Variants in PDZRN4 observed in about 807,000 individuals in gnomAD.
PDZRN4 encodes PDZ domain-containing RING finger protein 4.
Under a neutral mutation model 99.0 loss-of-function variants are expected in PDZRN4, and 70 were observed. The ratio of observed to expected loss-of-function variants is 0.71; its 90% CI spans 0.58 to 0.86. The LOEUF is 0.86. Among genes scored for constraint, PDZRN4 ranks in the 40% least tolerant of loss-of-function variants. The pLI, the probability that PDZRN4 is intolerant of heterozygous loss-of-function variation, is 0.00. For synonymous variants in PDZRN4, 551 were observed against 501.6 expected, an observed-to-expected ratio of 1.10 and a Z score of -1.32; for missense variants, 1,474 against 1,331.2, an observed-to-expected ratio of 1.11 and a Z score of -1.67.
chr12:41,389,815 C>A (rs1366198045), intron 3 of PDZRN4, among the ~76,000 whole-genome samples: 1 of 152,176 alleles, frequency 6.6e-6, no homozygotes, highest in Non-Finnish European at 1.5e-5. Context: ...AAGTTGGACT[C>A]ACCTGGAAGA....
intron 3 of PDZRN4, among the ~76,000 whole-genome samples, chr12:41,295,842 A>G (rs1400869491): frequency 6.6e-6 from 1 of 152,198 alleles, no homozygotes; most frequent in Non-Finnish European, 1.5e-5. Flanking sequence ...GAAATTATGG[A>G]TGCTTTGCAA....
At chr12:41,472,128 C>A (rs1009821356) in intron 3 of PDZRN4, among the ~76,000 whole-genome samples, 10 of 151,970 alleles carry the variant, frequency 6.6e-5, no homozygotes, top group Non-Finnish European at 1.3e-4. Flanking sequence ...CTCAGCCTCC[C>A]GAGTAGCTGG....
At chr12:41,485,806 T>C (rs1272048081) in intron 3 of PDZRN4, among the ~76,000 whole-genome samples, 1 of 152,154 alleles carries the variant, frequency 6.6e-6, no homozygotes, top group Non-Finnish European at 1.5e-5. Context: ...GAAATAGAAA[T>C]AAAGGCAAGA....
At chr12:41,318,102 T>TA (rs1178577908) in intron 3 of PDZRN4, among the ~76,000 whole-genome samples, 1 of 152,150 alleles carries the variant, frequency 6.6e-6, no homozygotes, top group East Asian at 1.9e-4. Flanking sequence ...AATATCCCAT[T>TA]AAAAAACAAC....
At position 41,574,010 on chromosome 12, in the gene PDZRN4, T is replaced by C. The variant is rs547684242; in HGVS notation, c.*120T>C. 4.8e-6 allele frequency: 3 copies of C among 624,918 alleles called. No homozygotes were observed. The highest frequency in any genetic ancestry group is 3.7e-5 in the Admixed American group (1 of 27,162). The allele number at this position is 624,918 out of a possible 1,614,324, so 38.7% of individuals were successfully genotyped here. A position where few individuals can be genotyped will look rare whatever the true frequency, so the allele number is the denominator to read the frequency against. ...ATTTTGTGACTCTTTATAGTTTAAA[T>C]TTTTTGTAAGCAAAAAATACCTGGT... On this transcript the variant is annotated 3_prime_UTR_variant, in exon 10 of 10. Transcript: ENST00000402685.
chr12:41,450,982 A>G (rs558158469), intron 3 of PDZRN4, among the ~76,000 whole-genome samples: 1 of 151,998 alleles, frequency 6.6e-6, no homozygotes, highest in South Asian at 2.1e-4. Flanking sequence ...ATTACTATAT[A>G]TATATAATGT....
intron 4 of PDZRN4, among the ~76,000 whole-genome samples, chr12:41,509,346 A>C (rs1020170543): frequency 3.3e-5 from 5 of 152,122 alleles, no homozygotes; most frequent in South Asian, 4.1e-4. Context: ...AGAGTCTGAA[A>C]AAATAAGTGC....
At chr12:41,469,034 A>C (rs1021485892) in intron 3 of PDZRN4, among the ~76,000 whole-genome samples, 6 of 152,062 alleles carry the variant, frequency 3.9e-5, no homozygotes, top group African/African-American at 1.4e-4. Flanking sequence ...ATTGTTACTC[A>C]AATCATCTGA....
intron 3 of PDZRN4, among the ~76,000 whole-genome samples, chr12:41,424,792 T>G (rs1308876910): frequency 6.6e-6 from 1 of 152,156 alleles, no homozygotes. Context: ...CTATGTGACT[T>G]TGTTACATTG....
intron 3 of PDZRN4, among the ~76,000 whole-genome samples, 165 bp downstream of exon 3, chr12:41,194,353 C>G (rs949604999): frequency 3.9e-5 from 6 of 152,114 alleles, no homozygotes; most frequent in African/African-American, 1.2e-4. Flanking sequence ...ATGTAAAAGT[C>G]ACTGGGAGAG....
rs772702058 is a variant in PDZRN4, at chr12:41,573,746, A to G, written c.2967A>G (p.Glu989=). 1 of 1,613,860 alleles carries G rather than the reference A, an allele frequency of 6.2e-7. No individual in the cohort carries two copies. Among genetic ancestry groups the G allele is most frequent in the Non-Finnish European group, 8.5e-7 (1 of 1,179,898 alleles). The change falls in exon 10 of 10, where the codon GAA becomes GAG. Residue 989 remains glutamate, a synonymous_variant. Coordinates refer to ENST00000402685, the MANE Select transcript of PDZRN4 (RefSeq NM_001164595.2). Reference sequence around the variant, plus strand: ...GCAAGAAGGAGATCAATATCATTGAACTGAGTCACAAAAAGATGATGAAAA... The same window carrying G: ...GCAAGAAGGAGATCAATATCATTGAGCTGAGTCACAAAAAGATGATGAAAA... ...SEGKKEINII[E]LSHKKMMKKR...
At chr12:41,344,151 A>G (rs180749000) in intron 3 of PDZRN4, among the ~76,000 whole-genome samples, 70 of 152,256 alleles carry the variant, frequency 4.6e-4, no homozygotes, top group Middle Eastern at 6.8e-3. Flanking sequence ...ATTCTGTTGC[A>G]GTAGAATAGC....
chr12:41,477,813 A>G (rs1592076535), intron 3 of PDZRN4: 1 of 1,053,726 alleles, frequency 9.5e-7, no homozygotes, highest in East Asian at 2.6e-5. Flanking sequence ...TGCATGTGGT[A>G]ATGATTTTGA....
chr12:41,242,925 TC>T (rs1341255928), intron 3 of PDZRN4, among the ~76,000 whole-genome samples: 1 of 152,244 alleles, frequency 6.6e-6, no homozygotes, highest in Non-Finnish European at 1.5e-5. Flanking sequence ...GGCAGAAGCA[TC>T]TTTTTCTTAA....
chr12:41,493,561 G>C (rs1000897752), intron 3 of PDZRN4, among the ~76,000 whole-genome samples: 3 of 152,108 alleles, frequency 2.0e-5, no homozygotes, highest in Non-Finnish European at 4.4e-5. Context: ...ATGGTTTTCA[G>C]AAAGTGCCGC....
At chr12:41,370,210 C>T (rs1013464991) in intron 3 of PDZRN4, among the ~76,000 whole-genome samples, 1 of 151,896 alleles carries the variant, frequency 6.6e-6, no homozygotes, top group Admixed American at 6.6e-5. Context: ...TCTATTCCTT[C>T]CTTCTAGAAT....
At chr12:41,540,504 T>G (rs1938831180) in intron 5 of PDZRN4, among the ~76,000 whole-genome samples, 1 of 152,188 alleles carries the variant, frequency 6.6e-6, no homozygotes, top group African/African-American at 2.4e-5. Flanking sequence ...CTTTGTCATT[T>G]CTATGTAACA....
At chr12:41,555,243 A>AAAAGAAAAGAG (rs1293448683) in intron 6 of PDZRN4, among the ~76,000 whole-genome samples, 1 of 149,888 alleles carries the variant, frequency 6.7e-6, no homozygotes, top group Non-Finnish European at 1.5e-5. Context: ...AAAAAAAAAA[A>AAAAGAAAAGAG]AAAAAAGAAA....
At chr12:41,478,548 A>G (rs1937626342) in intron 3 of PDZRN4, among the ~76,000 whole-genome samples, 1 of 152,212 alleles carries the variant, frequency 6.6e-6, no homozygotes, top group South Asian at 2.1e-4. Flanking sequence ...ATGTTCAAAA[A>G]CATTTTCACC....
Sources: gnomAD v4.1 joint callset for allele counts (sites outside exome capture counted in the v4.1 genomes callset) on GRCh38, gnomAD v4.1.1 for gene constraint, MANE v1.5 for transcripts, NCBI Gene and HGNC (gene_info 2026-07-23, HGNC 2026-07-21) for gene names.